MLLT6: variants seen among roughly 807,000 people sequenced by gnomAD.
MLLT6 encodes the protein protein AF-17.
Under a neutral mutation model 103.0 loss-of-function variants are expected in MLLT6, and 22 were observed. That is an observed-to-expected ratio of 0.21 (90% confidence interval 0.15 to 0.31). The LOEUF (loss-of-function observed/expected upper bound fraction) is 0.31. MLLT6 is among the 10% of genes least tolerant of loss of function. The pLI, the probability that MLLT6 is intolerant of heterozygous loss-of-function variation, is 1.00. For synonymous variants in MLLT6, 606 were observed against 623.5 expected, an observed-to-expected ratio of 0.97 and a Z score of 0.42; for missense variants, 1,199 against 1,441.7, an observed-to-expected ratio of 0.83 and a Z score of 2.73.
At chr17:38,721,767 G>A (rs904346020) in intron 16 of MLLT6, 111 bp from the exon 17 acceptor site, 9 of 664,750 alleles carry the variant, frequency 1.4e-5, no homozygotes, top group Non-Finnish European at 2.1e-5. Flanking sequence ...CAGGGTGCCT[G>A]GGGGTGAAGT....
Position 38,724,757 on chromosome 17 carries a change from G to A in MLLT6, c.3021G>A (p.Ala1007=), listed in dbSNP as rs753358956. ...GAAGCTCCACCCCGCTGCTGTCTGCGGGTACCCCTGGCCTGCTGCCCACAG... is the reference window on the plus strand; with the variant it reads ...GAAGCTCCACCCCGCTGCTGTCTGCAGGTACCCCTGGCCTGCTGCCCACAG... ...LAGSSTPLLS[A]GTPGLLPTAS... Residue 1007 remains alanine, a synonymous_variant, in exon 19 of 20, where the codon GCG becomes GCA. Coordinates refer to ENST00000621332, the MANE Select transcript of MLLT6 (RefSeq NM_005937.4). This position sits in a 1 kb window ranked among gnomAD's most constrained non-coding sequence, Gnocchi z 5.4. 2.5e-6 allele frequency: 4 copies of A among 1,609,052 alleles called. No individual in the cohort carries two copies. The highest frequency in any genetic ancestry group is 3.4e-5 in the Admixed American group (2 of 59,436).
At chr17:38,722,299 CA>C in intron 17 of MLLT6, 72 bp downstream of exon 17, 1 of 1,156,180 alleles carries the variant, frequency 8.6e-7, no homozygotes, top group Non-Finnish European at 1.1e-6. Flanking sequence ...GGATTTTCCC[CA>C]AAACACCCAC....
At chr17:38,713,259 G>T (rs1450732979) in intron 8 of MLLT6, 3 of 448,278 alleles carry the variant, frequency 6.7e-6, no homozygotes, top group South Asian at 6.3e-5. Context: ...CAGGCCCCTG[G>T]ACAGTATCCC....
At chr17:38,720,861 T>C in intron 16 of MLLT6, 114 bp downstream of exon 16, 2 of 889,640 alleles carry the variant, frequency 2.2e-6, no homozygotes, top group Non-Finnish European at 3.5e-6. Flanking sequence ...ACTGAGCAAT[T>C]GATTGATCCA....
In MLLT6 at chr17:38,711,925, G is replaced by A; in HGVS notation, c.631G>A (p.Gly211Ser). 1 of 1,609,664 alleles carries A rather than the reference G, an allele frequency of 6.2e-7. No individual in the cohort carries two copies. Among genetic ancestry groups the A allele is most frequent in the Non-Finnish European group, 8.5e-7 (1 of 1,177,720 alleles). ...TGGCAGCATGGGGGGAGGTGGCAGTGGTTTCATCTCTGGGAGGAGAAGCCG... is the reference window on the plus strand; with the variant it reads ...TGGCAGCATGGGGGGAGGTGGCAGTAGTTTCATCTCTGGGAGGAGAAGCCG... ...GGGSMGGGGS[G>S]FISGRRSRSA... is the part of the protein sequence containing the mutation. Residue 211 changes from glycine (G) to serine (S), a missense_variant, in exon 7 of 20, where the codon GGT becomes AGT. By Grantham distance (56) the Gly-to-Ser change is moderately conservative (BLOSUM62 0). This residue lies in a region of MLLT6 where 1,034 missense variants were observed against 1,091.5 expected (regional missense o/e 0.95). Coordinates refer to ENST00000621332, the MANE Select transcript of MLLT6 (RefSeq NM_005937.4).
chr17:38,716,953 G>C lies in MLLT6; in HGVS notation c.1623G>C (p.Leu541Phe), dbSNP rs1284372753. ...GGCCTTCTGGGAGCTTGCCCAGCTT[G>C]AGCCTGGAGTCCCCCTTACTAGGGG... ...TFGPSGSLPSLSLESPLLGAG... is the reference protein window; with the variant it reads ...TFGPSGSLPSFSLESPLLGAG... Residue 541 changes from leucine (L) to phenylalanine (F), a missense_variant, in exon 10 of 20, where the codon TTG (leucine) becomes TTC (phenylalanine). Leu to Phe is a conservative substitution (Grantham distance 22). Transcript: ENST00000621332. The surrounding 1 kb of genome is among the most constrained non-coding windows in gnomAD (Gnocchi z 5.6). 6.2e-7 allele frequency: 1 copy of C among 1,613,598 alleles called. No individual in the cohort carries two copies. Among genetic ancestry groups the C allele is most frequent in the African/African-American group, 1.3e-5 (1 of 74,930 alleles).
In MLLT6 at chr17:38,719,526, T is replaced by C. The variant is rs1905554782; in HGVS notation, c.1952T>C (p.Leu651Pro). 1 of 1,610,806 alleles carries C rather than the reference T, an allele frequency of 6.2e-7. No individual in the cohort carries two copies. Among genetic ancestry groups the C allele is most frequent in the Non-Finnish European group, 8.5e-7 (1 of 1,178,888 alleles). Residue 651 changes from leucine to proline, a missense_variant, in exon 13 of 20, where the codon CTG becomes CCG. Leu to Pro is a moderately conservative substitution (Grantham distance 98). Around this residue, in one of 7 missense-constraint regions of MLLT6, gnomAD observed 1,034 missense variants for 1,091.5 expected, o/e 0.95. Transcript: ENST00000621332. ...CTTCCCTTCTTCCAAGAGCCAGACC[T>C]GGAGGACTGCAGCTTCCGGTGTCGG... ...QAESSHTEPD[L>P]EDCSFRCRGT... is the part of the protein sequence containing the mutation.
In MLLT6 at chr17:38,728,734, AC is replaced by A; in HGVS notation, c.*3137del. ...TCCTGGCCCTTGGTTCCCCTGCCCC[AC>A]AACATGGTCTCCACATGGCTGGCTG... is the stretch of plus-strand genomic sequence containing the variant. On this transcript the variant is annotated 3_prime_UTR_variant, in exon 20 of 20. Transcript: ENST00000621332. 4.3e-6 allele frequency: 1 copy of A among 234,452 alleles called. No homozygotes were observed. The highest frequency in any genetic ancestry group is 6.0e-5 in the East Asian group (1 of 16,616). 14.5% of individuals were successfully genotyped at this position (234,452 alleles called of 1,614,324 possible).
chr17:38,707,122 G>C, intron 2 of MLLT6, 93 bp downstream of exon 2: 2 of 1,115,750 alleles, frequency 1.8e-6, no homozygotes, highest in South Asian at 1.5e-5. Flanking sequence ...CCGAGGCTAG[G>C]GTGGGATTTA....
In MLLT6 at chr17:38,709,533, C is replaced by T. The variant is rs1201960786; in HGVS notation, c.510C>T (p.Asn170=). The T allele has an allele frequency of 8.1e-6, 13 of 1,614,096 alleles. No homozygotes were observed. The Admixed American group carries it at 8.3e-5, about 10-fold the overall frequency. Residue 170 remains asparagine, a synonymous_variant, in exon 6 of 20, where the codon AAC becomes AAT. Transcript: ENST00000621332. This position sits in a 1 kb window ranked among gnomAD's most constrained non-coding sequence, Gnocchi z 4.3. ...LCEEEVLEVD[N]VKYCGYCKYH... is the part of the protein sequence containing the mutation. The stretch of plus-strand genomic sequence containing the variant: ...AGGAAGAAGTGCTGGAGGTGGACAA[C>T]GTCAAGTACTGCGGCTACTGCAAAT...
intron 1 of MLLT6, chr17:38,706,686 A>G: frequency 2.8e-6 from 1 of 359,764 alleles, no homozygotes; most frequent in Non-Finnish European, 5.0e-6. Flanking sequence ...AAGTCCAGAA[A>G]GGGCGTGGGG....
chr17:38,726,881 C>T lies in MLLT6; in HGVS notation c.*1283C>T, dbSNP rs2143720096. The T allele has an allele frequency of 4.3e-6, 1 of 233,816 alleles. No homozygotes were observed. The highest frequency in any genetic ancestry group is 8.5e-6 in the Non-Finnish European group (1 of 118,100). 14.5% of individuals were successfully genotyped at this position (233,816 alleles called of 1,614,324 possible). On this transcript the variant is annotated 3_prime_UTR_variant, in exon 20 of 20. Transcript: ENST00000621332. ...TAACAACTGTCCCCTCACCCACCAG[C>T]TATTTCCCCAGGGTAGAGTGGGCAA...
chr17:38,719,703 G>A (rs760077177), intron 13 of MLLT6, 47 bp from the exon 14 acceptor site: 10 of 1,590,932 alleles, frequency 6.3e-6, no homozygotes, highest in Admixed American at 3.4e-5. Flanking sequence ...GGCCAGAGGA[G>A]CCTGGAGTGG....
At chr17:38,717,089 G>A (rs1486839758) in intron 10 of MLLT6, 108 bp downstream of exon 10, 6 of 1,486,980 alleles carry the variant, frequency 4.0e-6, no homozygotes, top group Non-Finnish European at 5.4e-6. Context: ...CACTCCAAAA[G>A]ATAGAGCACG....
At chr17:38,725,280 C>T in intron 19 of MLLT6, 6 of 538,368 alleles carry the variant, frequency 1.1e-5, no homozygotes, top group Non-Finnish European at 1.9e-5. Context: ...AAAAGATGAC[C>T]CTCTGGGTAG....
intron 3 of MLLT6, 78 bp downstream of exon 3, chr17:38,707,618 G>T: frequency 6.7e-7 from 1 of 1,484,148 alleles, no homozygotes; most frequent in Non-Finnish European, 9.4e-7. Flanking sequence ...CTGAGTTGGG[G>T]TGGAGGCCGG....
chr17:38,722,634 T>TGGGGGGGGGGGTGGGGGGGGGGGG, intron 17 of MLLT6, 44 bp from the exon 18 acceptor site: 3 of 532,160 alleles, frequency 5.6e-6, no homozygotes, highest in Non-Finnish European at 1.1e-5. Context: ...CCCTCCCCCA[T>TGGGGGGGGGGGTGGGGGGGGGGGG]GGTCTGTGTG....
In MLLT6 at chr17:38,720,521, C is replaced by T. The variant is rs1328475921; in HGVS notation, c.2305C>T (p.Pro769Ser). 1.2e-6 allele frequency: 2 copies of T among 1,611,634 alleles called. No homozygotes were observed. Among genetic ancestry groups the T allele is most frequent in the Non-Finnish European group, 1.7e-6 (2 of 1,179,114 alleles). The change falls in exon 15 of 20, where the codon CCT becomes TCT. Residue 769 changes from proline (P) to serine (S), a missense_variant. Pro to Ser is a moderately conservative substitution (Grantham distance 74, BLOSUM62 -1). Transcript: ENST00000621332. ...CTTCCCTGCCCTGCCTGCTGCCCTG[C>T]CTGCCGCCAACGGCCCTGTCCCTGG... The part of the protein sequence containing the change: ...VPFPALPAAL[P>S]AANGPVPGPY...
At chr17:38,721,841 T>G (rs1359050854) in intron 16 of MLLT6, 37 bp from the exon 17 acceptor site, 1 of 1,451,772 alleles carries the variant, frequency 6.9e-7, no homozygotes, top group East Asian at 2.6e-5. Context: ...AAAGTCATGC[T>G]GGCCCTCTGA....
Sources: allele counts gnomAD v4.1 joint callset, GRCh38; gene constraint gnomAD v4.1.1; regional missense constraint gnomAD v4.1.1; non-coding constraint Gnocchi (gnomAD v3.1); transcripts MANE v1.5; gene names NCBI Gene and HGNC (gene_info 2026-07-23, HGNC 2026-07-21).